RYR3: variants seen among roughly 807,000 people sequenced by gnomAD.
RYR3 encodes ryanodine receptor 3, also known as brain ryanodine receptor-calcium release channel.
In RYR3, 207 loss-of-function variants were observed where a neutral mutation model predicts 584.3. That is an observed-to-expected ratio of 0.35 (90% confidence interval 0.32 to 0.40). RYR3 has a LOEUF of 0.40. RYR3 is among the 10% of genes least tolerant of loss of function. The probability of loss-of-function intolerance (pLI) is 1.00; values close to 1 mark genes in which losing one functional copy is unlikely to be tolerated. For missense variants in RYR3, 5,616 were observed against 6,089.2 expected (o/e 0.92, Z 2.59); for synonymous variants, 2,416 against 2,248.5 (o/e 1.07, Z -2.11).
At chr15:33,666,432 A>G (rs749631453) in intron 36 of RYR3, among the ~76,000 whole-genome samples, 11 of 152,210 alleles carry the variant, frequency 7.2e-5, no homozygotes, top group Admixed American at 2.0e-4. Context: ...ACTTACCGCT[A>G]TGAGATTCAG....
chr15:33,693,393 C>G (rs1308775506), intron 38 of RYR3, among the ~76,000 whole-genome samples: 1 of 152,218 alleles, frequency 6.6e-6, no homozygotes, highest in African/African-American at 2.4e-5. Context: ...AGCCTGGCCT[C>G]CTGGGGCCTC....
chr15:33,552,404 G>T (rs1477716649), intron 10 of RYR3, among the ~76,000 whole-genome samples: 1 of 152,178 alleles, frequency 6.6e-6, no homozygotes, highest in Non-Finnish European at 1.5e-5. Context: ...GTATGGAGAA[G>T]CAAGCAGCGC....
Position 33,653,005 on chromosome 15 carries a change from C to T in RYR3, c.4308+122C>T, listed in dbSNP as rs79078423. 1,205 of 913,462 alleles carry T rather than the reference C, an allele frequency of 1.3e-3. 10 individuals carry two copies. In the African/African-American group the frequency reaches 0.018, roughly 13 times the overall value. 56.6% of individuals were successfully genotyped at this position (913,462 alleles called of 1,614,324 possible). A position where few individuals can be genotyped will look rare whatever the true frequency, so the allele number is the denominator to read the frequency against. On this transcript the variant is annotated intron_variant, in intron 32 of 103. Coordinates refer to ENST00000634891, the MANE Select transcript of RYR3 (RefSeq NM_001036.6). ...TGTCAAGCTGATGAGCCCATGTGGG[C>T]CATGGGCCACTTAGGACAACAAATA... is the stretch of plus-strand genomic sequence containing the variant.
intron 67 of RYR3, among the ~76,000 whole-genome samples, chr15:33,791,134 C>T (rs1226296851): frequency 6.6e-6 from 1 of 152,182 alleles, no homozygotes; most frequent in East Asian, 1.9e-4. Context: ...TAAAGGAGAA[C>T]AGAGAAATGG....
At position 33,536,791 on chromosome 15, in the gene RYR3, C is replaced by T. The variant is rs573662565; in HGVS notation, c.434-2559C>T. Among the ~76,000 whole-genome samples the T allele has an allele frequency of 1.4e-3, 211 of 152,342 alleles. 1 individual carries two copies. The highest frequency in any genetic ancestry group is 2.0e-3 in the Non-Finnish European group (134 of 68,038). On this transcript the variant is annotated intron_variant, in intron 5 of 103. Transcript: ENST00000634891. ...TGAGCTTATTATAAACACCAGTCTC[C>T]TGCCCTCCCTCCTTTGGATGCTTGC...
At chr15:33,471,476 G>C (rs978595541) in intron 1 of RYR3, among the ~76,000 whole-genome samples, 11 of 152,016 alleles carry the variant, frequency 7.2e-5, no homozygotes, top group African/African-American at 2.7e-4. Flanking sequence ...CTACTGCAAG[G>C]TCAAAGCCTT....
intron 87 of RYR3, among the ~76,000 whole-genome samples, chr15:33,835,796 C>T (rs1377097516): frequency 1.3e-5 from 2 of 152,184 alleles, no homozygotes; most frequent in African/African-American, 4.8e-5. Context: ...GAGAGAGTTC[C>T]TGGGAGGGCT....
chr15:33,365,690 A>C (rs1343970676), intron 1 of RYR3, among the ~76,000 whole-genome samples: 1 of 152,244 alleles, frequency 6.6e-6, no homozygotes, highest in Non-Finnish European at 1.5e-5. Context: ...CTCATGTTAA[A>C]TATTCTTACT....
In RYR3 at chr15:33,742,397, G is replaced by A. The variant is rs369629619; in HGVS notation, c.7852G>A (p.Val2618Ile). The A allele has an allele frequency of 5.1e-5, 83 of 1,612,818 alleles. No homozygotes were observed. The highest frequency in any genetic ancestry group is 1.6e-4 in the Middle Eastern group (1 of 6,082). ...FSLPEKLEYIVTKYAEHSHDK... is the reference protein window; with the variant it reads ...FSLPEKLEYIITKYAEHSHDK... ...CTTGCCTGAAAAATTGGAATACATC[G>A]TCACCAAGTATGCTGAGCATTCACA... The change falls in exon 52 of 104, where the codon GTC becomes ATC. Residue 2618 changes from valine (V) to isoleucine (I), a missense_variant. Val to Ile is a conservative substitution (Grantham distance 29). This residue lies in a region of RYR3 where 1,280 missense variants were observed against 1,426.2 expected (regional missense o/e 0.90). Coordinates refer to ENST00000634891, the MANE Select transcript of RYR3 (RefSeq NM_001036.6).
At chr15:33,724,008 G>T (rs573469102) in intron 44 of RYR3, 57 bp from the exon 45 acceptor site, 2 of 906,022 alleles carry the variant, frequency 2.2e-6, no homozygotes, top group East Asian at 4.9e-5. Flanking sequence ...CTTATGTCTC[G>T]CAGCATGGCA....
At chr15:33,354,904 C>T (rs1475771270) in intron 1 of RYR3, among the ~76,000 whole-genome samples, 1 of 152,088 alleles carries the variant, frequency 6.6e-6, no homozygotes, top group Admixed American at 6.6e-5. Context: ...TAGTTGGGGC[C>T]GAGTGCAGTG....
chr15:33,793,867 A>T (rs2075314801), intron 67 of RYR3, among the ~76,000 whole-genome samples: 2 of 149,188 alleles, frequency 1.3e-5, no homozygotes, highest in South Asian at 4.2e-4. Flanking sequence ...AAGATTACTT[A>T]TATTTAGCAT....
At chr15:33,700,941 T>C (rs758486821) in intron 41 of RYR3, 36 bp from the exon 42 acceptor site, 3 of 1,491,066 alleles carry the variant, frequency 2.0e-6, no homozygotes, top group East Asian at 4.6e-5. Context: ...TGTCTTCCTC[T>C]GTCCTTTTCT....
chr15:33,443,833 T>C (rs924425630), intron 1 of RYR3, among the ~76,000 whole-genome samples: 11 of 152,328 alleles, frequency 7.2e-5, no homozygotes, highest in African/African-American at 2.6e-4. Context: ...TCTGCCATCA[T>C]CCTTAGCTCC....
In RYR3 at chr15:33,816,965, A is replaced by G. The variant is rs762492774; in HGVS notation, c.10599+7A>G. ...ACTAGTACAGGATTTGGCTGTAAGTACTGACTCCCCTGGGAGCAGATATGA... is the reference window on the plus strand; with the variant it reads ...ACTAGTACAGGATTTGGCTGTAAGTGCTGACTCCCCTGGGAGCAGATATGA... On this transcript the variant is annotated splice_region_variant and intron_variant, in intron 75 of 103. Coordinates refer to ENST00000634891, the MANE Select transcript of RYR3 (RefSeq NM_001036.6). 4 of 1,545,394 alleles carry G rather than the reference A, an allele frequency of 2.6e-6. No individual in the cohort carries two copies. The highest frequency in any genetic ancestry group is 1.4e-5 in the African/African-American group (1 of 73,676).
At chr15:33,489,990 C>T (rs556244764) in intron 2 of RYR3, among the ~76,000 whole-genome samples, 15 of 152,250 alleles carry the variant, frequency 9.9e-5, no homozygotes, top group African/African-American at 3.1e-4. Context: ...ATGAACTGAA[C>T]CATTTTGAAC....
At chr15:33,539,582 A>T in intron 6 of RYR3, 120 bp downstream of exon 6, 1 of 615,614 alleles carries the variant, frequency 1.6e-6, no homozygotes, top group South Asian at 2.0e-5. Flanking sequence ...ACATATATAG[A>T]GTTGACCCTT....
intron 1 of RYR3, among the ~76,000 whole-genome samples, chr15:33,458,358 G>T (rs568049817): frequency 2.2e-4 from 34 of 152,272 alleles, no homozygotes; most frequent in Middle Eastern, 3.4e-3. Flanking sequence ...GTCTATTTTT[G>T]TCTGCCCTTG....
chr15:33,729,082 G>A lies in RYR3; in HGVS notation c.7203+56G>A, dbSNP rs959575465. 114 of 1,458,888 alleles carry A rather than the reference G, an allele frequency of 7.8e-5. 1 individual carries two copies. The highest frequency in any genetic ancestry group is 1.0e-4 in the Non-Finnish European group (111 of 1,062,316). The allele number at this position is 1,458,888 out of a possible 1,614,324, so 90.4% of individuals were successfully genotyped here. Reference sequence around the variant, plus strand: ...TTCCCATCATTGTGAAATTAGTAATGTTGGACTTCGAAGCAAATATTTTCT... The same window carrying A: ...TTCCCATCATTGTGAAATTAGTAATATTGGACTTCGAAGCAAATATTTTCT... On this transcript the variant is annotated intron_variant, in intron 47 of 103. Transcript: ENST00000634891.
Sources: allele counts gnomAD v4.1 joint callset (sites outside exome capture counted in the v4.1 genomes callset), GRCh38; gene constraint gnomAD v4.1.1; regional missense constraint gnomAD v4.1.1; transcripts MANE v1.5; gene names NCBI Gene and HGNC (gene_info 2026-07-23, HGNC 2026-07-21).